The following ARL6IP1 variants were observed in gnomAD, a reference collection of about 807,000 sequenced individuals.
ARL6IP1 encodes the protein ARL6 interacting reticulophagy regulator 1.
ARL6IP1 carries 16 observed loss-of-function variants against 30.1 expected under a neutral mutation model. The ratio of observed to expected loss-of-function variants is 0.53; its 90% CI spans 0.36 to 0.81. The LOEUF (loss-of-function observed/expected upper bound fraction) is 0.81, where lower values mean the gene tolerates loss of function less well. Ranked by LOEUF, ARL6IP1 falls within the 30% of genes least tolerant of loss-of-function variation. The probability of loss-of-function intolerance (pLI) is 0.01; values close to 1 mark genes in which losing one functional copy is unlikely to be tolerated. For missense variants in ARL6IP1, 173 were observed against 242.7 expected (o/e 0.71, Z 1.91); for synonymous variants, 72 against 84.8 (o/e 0.85, Z 0.83).
rs755501780 is a variant in ARL6IP1, at chr16:18,791,913, G to A, written c.*1339C>T. 4 of 152,530 alleles carry A rather than the reference G, an allele frequency of 2.6e-5. No homozygotes were observed. The allele number at this position is 152,530 out of a possible 1,614,324, so 9.4% of individuals were successfully genotyped here. A position where few individuals can be genotyped will look rare whatever the true frequency, so the allele number is the denominator to read the frequency against. On this transcript the variant is annotated 3_prime_UTR_variant, in exon 6 of 6. Coordinates refer to ENST00000304414, the MANE Select transcript of ARL6IP1 (RefSeq NM_015161.3). ...CACTGTTCACAGCAATATTAAAGAG[G>A]AGAAAACAACACTTATTTAATAGGG...
chr16:18,796,998 C>T (rs2030251665), intron 3 of ARL6IP1, among the ~76,000 whole-genome samples: 1 of 152,080 alleles, frequency 6.6e-6, no homozygotes, highest in South Asian at 2.1e-4. Context: ...TTATTTGAAT[C>T]AAAACTCAAC....
intron 3 of ARL6IP1, among the ~76,000 whole-genome samples, chr16:18,797,222 A>T (rs574581215): frequency 3.4e-3 from 87 of 25,828 alleles, no homozygotes; most frequent in East Asian, 0.014. Flanking sequence ...TACTAAAAAT[A>T]AAAAAAAAAA....
At position 18,794,581 on chromosome 16, in the gene ARL6IP1, T is replaced by C. The variant is rs752114524; in HGVS notation, c.493+18A>G. 1.2e-6 allele frequency: 2 copies of C among 1,604,972 alleles called. No homozygotes were observed. The highest frequency in any genetic ancestry group is 1.7e-6 in the Non-Finnish European group (2 of 1,172,772). ...TCACTGGCCAGGATGTGCCTGTAGT[T>C]TTTCCTCAAAGACTTACCTATCAGG... On this transcript the variant is annotated intron_variant, in intron 5 of 5. Coordinates refer to ENST00000304414, the MANE Select transcript of ARL6IP1 (RefSeq NM_015161.3).
At chr16:18,800,351 A>G (rs2030370772) in intron 1 of ARL6IP1, among the ~76,000 whole-genome samples, 1 of 152,216 alleles carries the variant, frequency 6.6e-6, no homozygotes, top group Non-Finnish European at 1.5e-5. Context: ...TGCTTTCCTT[A>G]GAGTTATATT....
Position 18,793,210 on chromosome 16 carries a change from G to T in ARL6IP1, c.*42C>A. 1.5e-6 allele frequency: 2 copies of T among 1,330,400 alleles called. No individual in the cohort carries two copies. Among genetic ancestry groups the T allele is most frequent in the Non-Finnish European group, 2.1e-6 (2 of 935,096 alleles). 82.4% of individuals were successfully genotyped at this position (1,330,400 alleles called of 1,614,324 possible). ...TAGTACAGCAGAAACGGTTCCCGGG[G>T]CAATGGGTGCTGCATTAATCACACT... On this transcript the variant is annotated 3_prime_UTR_variant, in exon 6 of 6. Coordinates refer to ENST00000304414, the MANE Select transcript of ARL6IP1 (RefSeq NM_015161.3).
chr16:18,796,908 ACT>A (rs1378480970), intron 3 of ARL6IP1, among the ~76,000 whole-genome samples: 1 of 152,246 alleles, frequency 6.6e-6, no homozygotes, highest in Non-Finnish European at 1.5e-5. Context: ...CAAGTAGAAT[ACT>A]AACCAAATAA....
At chr16:18,800,221 T>G (rs1386209583) in intron 1 of ARL6IP1, among the ~76,000 whole-genome samples, 6 of 152,200 alleles carry the variant, frequency 3.9e-5, no homozygotes, top group Admixed American at 3.9e-4. Context: ...TATTTATACT[T>G]CAATTAATCT....
At chr16:18,795,672 G>T (rs1336465819) in intron 3 of ARL6IP1, 91 bp from the exon 4 acceptor site, 2 of 827,648 alleles carry the variant, frequency 2.4e-6, no homozygotes, top group African/African-American at 3.5e-5. Flanking sequence ...ATCTTCTAAA[G>T]AAAATAAAAA....
Position 18,792,372 on chromosome 16 carries a change from G to A in ARL6IP1, c.*880C>T, listed in dbSNP as rs569577182. The stretch of plus-strand genomic sequence containing the variant: ...AAATTAGATAAGATTATCTTCTACT[G>A]AAATGAATATTGACTAAACATAGAA... On this transcript the variant is annotated 3_prime_UTR_variant, in exon 6 of 6. Transcript: ENST00000304414. 1 of 152,306 alleles carries A rather than the reference G, an allele frequency of 6.6e-6. No individual in the cohort carries two copies. Among genetic ancestry groups the A allele is most frequent in the East Asian group, 1.9e-4 (1 of 5,194 alleles). 9.4% of individuals were successfully genotyped at this position (152,306 alleles called of 1,614,324 possible). A position where few individuals can be genotyped will look rare whatever the true frequency, so the allele number is the denominator to read the frequency against.
chr16:18,795,764 G>GT (rs1213737620), intron 3 of ARL6IP1, among the ~76,000 whole-genome samples, 183 bp from the exon 4 acceptor site: 1 of 152,080 alleles, frequency 6.6e-6, no homozygotes, highest in Non-Finnish European at 1.5e-5. Flanking sequence ...ACAGGAGTAA[G>GT]TATTTACATA....
At chr16:18,795,318 C>A in intron 4 of ARL6IP1, 146 bp downstream of exon 4, 3 of 499,734 alleles carry the variant, frequency 6.0e-6, no homozygotes, top group East Asian at 3.1e-5. Flanking sequence ...TAAAATGATT[C>A]AGTCTAATTA....
intron 1 of ARL6IP1, among the ~76,000 whole-genome samples, chr16:18,799,718 A>T (rs548792245): frequency 1.3e-5 from 2 of 152,318 alleles, no homozygotes; most frequent in African/African-American, 4.8e-5. Context: ...CACCAAATTA[A>T]GGTGGCATTT....
chr16:18,793,406 G>GCAATTAA, intron 5 of ARL6IP1, 36 bp from the exon 6 acceptor site: 1 of 1,157,728 alleles, frequency 8.6e-7, no homozygotes. Context: ...TAAGGAGGCA[G>GCAATTAA]CAATTAACCT....
At chr16:18,796,067 C>T (rs554780650) in intron 3 of ARL6IP1, among the ~76,000 whole-genome samples, 1 of 152,176 alleles carries the variant, frequency 6.6e-6, no homozygotes, top group East Asian at 1.9e-4. Flanking sequence ...CTTCATACAT[C>T]TGATGACAAG....
chr16:18,799,223 G>A (rs969981419), intron 1 of ARL6IP1, among the ~76,000 whole-genome samples: 3 of 152,136 alleles, frequency 2.0e-5, no homozygotes, highest in Non-Finnish European at 4.4e-5. Flanking sequence ...TGTTGGCCAG[G>A]CTGGTCTCAA....
At position 18,794,654 on chromosome 16, in the gene ARL6IP1, A is replaced by C; in HGVS notation, c.438T>G (p.Ala146=). ...MYFMTMIVSL[A]AVAWVGQQVH... ...CTTGTTGTCCCACCCAAGCAACCGC[A>C]GCAAGGGAAACGATCATGGTCATGA... Residue 146 remains alanine (A), a synonymous_variant, in exon 5 of 6, where the codon GCT becomes GCG. Transcript: ENST00000304414. The C allele has an allele frequency of 3.7e-6, 6 of 1,613,456 alleles. No individual in the cohort carries two copies. Among genetic ancestry groups the C allele is most frequent in the Non-Finnish European group, 5.1e-6 (6 of 1,179,556 alleles).
intron 3 of ARL6IP1, among the ~76,000 whole-genome samples, chr16:18,797,300 G>T (rs1246914594): frequency 3.3e-5 from 5 of 151,006 alleles, no homozygotes; most frequent in Non-Finnish European, 7.4e-5. Context: ...CAAGAGAATG[G>T]CATGAACCTG....
Position 18,798,681 on chromosome 16 carries a change from T to C in ARL6IP1, c.170+20A>G, listed in dbSNP as rs1484168697. On this transcript the variant is annotated intron_variant, in intron 2 of 5. Transcript: ENST00000304414. ...TATTAATAAGAAGCACAACCCATAG[T>C]AATCTAATAGCTCACTTACAGAAAC... 6.2e-7 allele frequency: 1 copy of C among 1,612,286 alleles called. No individual in the cohort carries two copies.
intron 3 of ARL6IP1, among the ~76,000 whole-genome samples, chr16:18,796,250 G>A (rs1366011901): frequency 6.6e-6 from 1 of 152,114 alleles, no homozygotes; most frequent in Admixed American, 6.5e-5. Context: ...CCTTTGCACT[G>A]TCTTCGCTAC....
Sources: gnomAD v4.1 joint callset for allele counts (sites outside exome capture counted in the v4.1 genomes callset) on GRCh38, gnomAD v4.1.1 for gene constraint, MANE v1.5 for transcripts, NCBI Gene and HGNC (gene_info 2026-07-23, HGNC 2026-07-21) for gene names.